FAM83G: variants seen among roughly 807,000 people sequenced by gnomAD.
FAM83G encodes the protein protein FAM83G.
In FAM83G, 38 loss-of-function variants were observed where a neutral mutation model predicts 61.5. The ratio of observed to expected loss-of-function variants is 0.62; its 90% confidence interval spans 0.48 to 0.81. FAM83G has a LOEUF of 0.81. Among genes scored for constraint, FAM83G ranks in the 30% least tolerant of loss-of-function variants. FAM83G has a pLI of 0.00. For missense variants in FAM83G, 989 were observed against 1,133.6 expected, an observed-to-expected ratio of 0.87 and a Z score of 1.83; for synonymous variants, 470 against 476.1, an observed-to-expected ratio of 0.99 and a Z score of 0.17.
chr17:18,977,471 A>G, intron 5 of FAM83G, 113 bp downstream of exon 5: 1 of 1,069,378 alleles, frequency 9.4e-7, no homozygotes, highest in Non-Finnish European at 1.3e-6. Context: ...GTAACAAGGG[A>G]ATTGAAGTCA....
At chr17:18,987,395 A>T (rs1670792550) in intron 3 of FAM83G, among the ~76,000 whole-genome samples, 1 of 152,232 alleles carries the variant, frequency 6.6e-6, no homozygotes, top group African/African-American at 2.4e-5. Flanking sequence ...GCGCACGGCC[A>T]ATGCAAGAGA....
chr17:18,995,458 T>A (rs530072997), intron 2 of FAM83G, among the ~76,000 whole-genome samples: 1 of 152,274 alleles, frequency 6.6e-6, no homozygotes, highest in South Asian at 2.1e-4. Context: ...TGAAAGAACA[T>A]GAACACAGCA....
rs118106950 is a variant in FAM83G, at chr17:19,000,036, C to T, written c.522+3484G>A. ...GAAGCCCCAACCCAGCCCAGCCTCA[C>T]GCCTTCTCAGGCTGCAGCCAAGTGA... On this transcript the variant is annotated intron_variant, in intron 2 of 5. Transcript: ENST00000388995. This position sits in a 1 kb window ranked among gnomAD's most constrained non-coding sequence, Gnocchi z 5.2. 8.4e-4 allele frequency among the ~76,000 whole-genome samples: 128 copies of T among 152,370 alleles called. No homozygotes were observed. Among genetic ancestry groups the T allele is most frequent in the Non-Finnish European group, 1.4e-3 (97 of 68,034 alleles).
Position 18,970,028 on chromosome 17 carries a change from G to C in FAM83G, c.*1331C>G, listed in dbSNP as rs990689237. 3 of 152,350 alleles carry C rather than the reference G, an allele frequency of 2.0e-5. No individual in the cohort carries two copies. The highest frequency in any genetic ancestry group is 7.2e-5 in the African/African-American group (3 of 41,472). 9.4% of individuals were successfully genotyped at this position (152,350 alleles called of 1,614,324 possible). On this transcript the variant is annotated 3_prime_UTR_variant, in exon 6 of 6. Coordinates refer to ENST00000388995, the MANE Select transcript of FAM83G (RefSeq NM_001039999.3). ...ATCTCTAAAGACTCTTCCAGACTCA[G>C]ACACTGGGACCCTGTGGCTGAGCAG...
At chr17:18,984,505 T>C (rs1239408057) in intron 3 of FAM83G, among the ~76,000 whole-genome samples, 1 of 152,192 alleles carries the variant, frequency 6.6e-6, no homozygotes, top group Non-Finnish European at 1.5e-5. Flanking sequence ...GCGGCAGCGA[T>C]CCTCACTTCC....
intron 2 of FAM83G, among the ~76,000 whole-genome samples, chr17:18,997,603 A>T (rs557404862): frequency 3.9e-5 from 6 of 152,256 alleles, no homozygotes; most frequent in Admixed American, 3.9e-4. Flanking sequence ...AATGCCCCAG[A>T]AAGCCTGGCT....
At chr17:18,997,586 G>A (rs1164259157) in intron 2 of FAM83G, among the ~76,000 whole-genome samples, 1 of 152,256 alleles carries the variant, frequency 6.6e-6, no homozygotes, top group East Asian at 1.9e-4. Context: ...GGGCCATCAA[G>A]CATCCTAATG....
Position 18,969,528 on chromosome 17 carries a change from T to A in FAM83G, c.*1831A>T. On this transcript the variant is annotated 3_prime_UTR_variant, in exon 6 of 6. Transcript: ENST00000388995. ...GGATTCATGCCGTTGGGGTTCTGGG[T>A]AGCATCGCTGGGAGTGGGTGGGTTC... 1 of 1,113,484 alleles carries A rather than the reference T, an allele frequency of 9.0e-7. No individual in the cohort carries two copies. The highest frequency in any genetic ancestry group is 1.3e-6 in the Non-Finnish European group (1 of 767,128). 69.0% of individuals were successfully genotyped at this position (1,113,484 alleles called of 1,614,324 possible).
chr17:18,991,880 G>A (rs374502446), intron 2 of FAM83G, among the ~76,000 whole-genome samples: 1 of 152,212 alleles, frequency 6.6e-6, no homozygotes, highest in Non-Finnish European at 1.5e-5. Flanking sequence ...AACCCAGGAG[G>A]CCCAATGCCC....
intron 3 of FAM83G, among the ~76,000 whole-genome samples, chr17:18,981,807 G>C (rs1473923105): frequency 1.3e-5 from 2 of 152,210 alleles, no homozygotes; most frequent in Non-Finnish European, 1.5e-5. Context: ...CACACAGCCA[G>C]CTCAGCAGGA....
intron 2 of FAM83G, among the ~76,000 whole-genome samples, chr17:18,999,881 T>G (rs2043683648): frequency 6.6e-6 from 1 of 152,246 alleles, no homozygotes; most frequent in Admixed American, 6.5e-5. Context: ...GATCTGTCCC[T>G]GCCCTGGGGC....
chr17:19,005,956 C>T (rs76319158), upstream of FAM83G, among the ~76,000 whole-genome samples: 7,904 of 152,282 alleles, frequency 0.052, 282 homozygotes, highest in African/African-American at 0.09. Flanking sequence ...TTTATAGCCC[C>T]TCTGCTACTG....
At chr17:18,999,330 C>G (rs912975984) in intron 2 of FAM83G, among the ~76,000 whole-genome samples, 1 of 152,038 alleles carries the variant, frequency 6.6e-6, no homozygotes, top group African/African-American at 2.4e-5. Flanking sequence ...TCAACAGGAT[C>G]CAGCAGTGAG....
intron 2 of FAM83G, among the ~76,000 whole-genome samples, chr17:18,999,204 G>A (rs1018754358): frequency 6.6e-5 from 10 of 152,182 alleles, no homozygotes; most frequent in African/African-American, 2.2e-4. Context: ...CTTGAACCCT[G>A]GAGGCGGAGG....
intron 3 of FAM83G, among the ~76,000 whole-genome samples, chr17:18,987,237 G>T (rs534702360): frequency 6.6e-6 from 1 of 152,200 alleles, no homozygotes; most frequent in Non-Finnish European, 1.5e-5. Flanking sequence ...TCTGGAGCAG[G>T]CCTCTACCCC....
At position 18,980,601 on chromosome 17, in the gene FAM83G, C is replaced by G. The variant is rs73981269; in HGVS notation, c.691-928G>C. On this transcript the variant is annotated intron_variant, in intron 3 of 5. Coordinates refer to ENST00000388995, the MANE Select transcript of FAM83G (RefSeq NM_001039999.3). Reference sequence around the variant, plus strand: ...AGCTCCAGGTGCTGACTTCCCTCCCCCAGGTAGCAGGACCTGCTGTGAGGG... The same window carrying G: ...AGCTCCAGGTGCTGACTTCCCTCCCGCAGGTAGCAGGACCTGCTGTGAGGG... Among the ~76,000 whole-genome samples, 1,307 of 152,304 alleles carry G rather than the reference C, an allele frequency of 8.6e-3. 15 individuals are homozygous for G. Among genetic ancestry groups the G allele is most frequent in the African/African-American group, 0.03 (1,253 of 41,562 alleles).
intron 4 of FAM83G, 91 bp from the exon 5 acceptor site, chr17:18,978,941 G>A: frequency 2.8e-6 from 4 of 1,427,962 alleles, no homozygotes; most frequent in Non-Finnish European, 3.8e-6. Flanking sequence ...GCCTCAGACT[G>A]TGGCCACAGG....
At chr17:18,985,277 T>A (rs1430627997) in intron 3 of FAM83G, among the ~76,000 whole-genome samples, 1 of 152,208 alleles carries the variant, frequency 6.6e-6, no homozygotes, top group Non-Finnish European at 1.5e-5. Flanking sequence ...TGTCCCCATT[T>A]TGTAGACAAG....
Position 18,978,123 on chromosome 17 carries a change from C to T in FAM83G, c.1543G>A (p.Val515Ile). Residue 515 changes from valine (V) to isoleucine (I), a missense_variant, in exon 5 of 6, where the codon GTA becomes ATA. Around this residue, in one of 3 missense-constraint regions of FAM83G, gnomAD observed 574 missense variants for 645.1 expected, o/e 0.89. Transcript: ENST00000388995. ...PKPRTVPVAD[V>I]LARDSSDIGW... ...ATATCACTGCTGTCCCGGGCTAGTACATCTGCCACAGGGACTGTCCGGGGC... is the reference window on the plus strand; with the variant it reads ...ATATCACTGCTGTCCCGGGCTAGTATATCTGCCACAGGGACTGTCCGGGGC... The T allele has an allele frequency of 6.6e-7, 1 of 1,518,312 alleles. No homozygotes were observed. Among genetic ancestry groups the T allele is most frequent in the Non-Finnish European group, 8.8e-7 (1 of 1,138,118 alleles). 94.1% of individuals were successfully genotyped at this position (1,518,312 alleles called of 1,614,324 possible).
Sources: allele counts gnomAD v4.1 joint callset (sites outside exome capture counted in the v4.1 genomes callset), GRCh38; gene constraint gnomAD v4.1.1; regional missense constraint gnomAD v4.1.1; non-coding constraint Gnocchi (gnomAD v3.1); transcripts MANE v1.5; gene names NCBI Gene and HGNC (gene_info 2026-07-23, HGNC 2026-07-21).